Variants in LRRC53 observed in about 807,000 individuals in gnomAD.
LRRC53 encodes leucine-rich repeat-containing protein 53.
Under a neutral mutation model 13.6 loss-of-function variants are expected in LRRC53, and 25 were observed. The ratio of observed to expected loss-of-function variants is 1.83; its 90% confidence interval spans 1.34 to 2.56. LRRC53 has a LOEUF of 2.56. Among genes scored for constraint, LRRC53 ranks in the 30% most tolerant of loss-of-function variants. LRRC53 has a pLI of 0.00. For synonymous variants in LRRC53, 204 were observed against 109.8 expected (o/e 1.86, Z -5.37); for missense variants, 527 against 275.8 (o/e 1.91, Z -6.45).
At chr1:74,492,159 C>T (rs751728279) in intron 1 of LRRC53, 3 of 1,612,998 alleles carry the variant, frequency 1.9e-6, no homozygotes, top group South Asian at 2.2e-5. Flanking sequence ...CTTCTGATTG[C>T]CTGGTGAACC....
the LRRC53 span, among the ~76,000 whole-genome samples, chr1:74,534,706 A>G: frequency 0.036 from 5,372 of 149,974 alleles, 320 homozygotes; most frequent in African/African-American, 0.12. Context: ...TCTTGTAAGC[A>G]TTGCAACATG....
intron 1 of LRRC53, among the ~76,000 whole-genome samples, chr1:74,511,127 C>T (rs1670194507): frequency 6.6e-6 from 1 of 151,896 alleles, no homozygotes; most frequent in African/African-American, 2.4e-5. Context: ...GTGATCACCT[C>T]AGGTGATCCA....
intron 1 of LRRC53, among the ~76,000 whole-genome samples, chr1:74,493,102 G>A (rs928996759): frequency 2.6e-5 from 4 of 152,070 alleles, no homozygotes; most frequent in Non-Finnish European, 4.4e-5. Flanking sequence ...TCACATGGGA[G>A]GCTAGGGTTT....
chr1:74,496,668 T>A (rs1570701074), intron 1 of LRRC53, among the ~76,000 whole-genome samples: 2 of 152,274 alleles, frequency 1.3e-5, no homozygotes, highest in South Asian at 4.2e-4. Flanking sequence ...AGAGATTTTC[T>A]CCACAGATAA....
At chr1:74,522,630 A>G in the LRRC53 span, among the ~76,000 whole-genome samples, 1 of 150,954 alleles carries the variant, frequency 6.6e-6, no homozygotes, top group South Asian at 2.1e-4. Context: ...CTGGTCCCTA[A>G]GGTGTATGTG....
At chr1:74,535,441 GCC>G in the LRRC53 span, among the ~76,000 whole-genome samples, 2 of 152,162 alleles carry the variant, frequency 1.3e-5, no homozygotes, top group African/African-American at 4.8e-5. Flanking sequence ...CTGCAATCCA[GCC>G]TGGGTGACTG....
Position 74,480,742 on chromosome 1 carries a change from C to T in LRRC53, c.315G>A (p.Lys105=), listed in dbSNP as rs1453518396. The T allele has an allele frequency of 1.4e-6, 1 of 717,478 alleles. No individual in the cohort carries two copies. Among genetic ancestry groups the T allele is most frequent in the Non-Finnish European group, 2.6e-6 (1 of 385,094 alleles). 44.4% of individuals were successfully genotyped at this position (717,478 alleles called of 1,614,324 possible). The part of the protein sequence containing the change: ...SSSLTDHTFS[K]LHSLQVLVLS... ...GCACCAGTACCTGCAGGCTGTGAAG[C>T]TTGCTGAAGGTGTGATCAGTGAGCG... Residue 105 remains lysine (K), a synonymous_variant, in exon 3 of 5, where the codon AAG becomes AAA. Coordinates refer to ENST00000294635, the MANE Select transcript of LRRC53 (RefSeq NM_001382280.1).
intron 1 of LRRC53, among the ~76,000 whole-genome samples, chr1:74,509,006 G>T (rs918279287): frequency 6.6e-6 from 1 of 152,132 alleles, no homozygotes; most frequent in Non-Finnish European, 1.5e-5. Flanking sequence ...TCTACCCACG[G>T]ATGGATAAAC....
At chr1:74,529,218 G>A in the LRRC53 span, among the ~76,000 whole-genome samples, 1 of 152,234 alleles carries the variant, frequency 6.6e-6, no homozygotes, top group Admixed American at 6.5e-5. Flanking sequence ...AAGCCTATCA[G>A]ACATCACTCA....
intron 1 of LRRC53, among the ~76,000 whole-genome samples, chr1:74,509,121 A>G (rs958640146): frequency 3.9e-5 from 6 of 152,224 alleles, no homozygotes; most frequent in African/African-American, 1.4e-4. Flanking sequence ...TTGAGATAGT[A>G]GAGCACTCCT....
chr1:74,502,841 G>A (rs937232747), intron 1 of LRRC53, among the ~76,000 whole-genome samples: 3 of 152,098 alleles, frequency 2.0e-5, no homozygotes, highest in Admixed American at 2.0e-4. Context: ...CAGGCGTGCC[G>A]TGGACTCCCT....
Position 74,480,766 on chromosome 1 carries a change from C to T in LRRC53, c.291G>A (p.Ser97=), listed in dbSNP as rs1213264983. The T allele has an allele frequency of 1.4e-6, 1 of 717,440 alleles. No individual in the cohort carries two copies. The highest frequency in any genetic ancestry group is 2.6e-6 in the Non-Finnish European group (1 of 385,104). 44.4% of individuals were successfully genotyped at this position (717,440 alleles called of 1,614,324 possible). The change falls in exon 3 of 5, where the codon TCG becomes TCA. Residue 97 remains serine, a synonymous_variant. Transcript: ENST00000294635. ...GCTTGCTGAAGGTGTGATCAGTGAG[C>T]GAAGAGCTGGATATTTGGTTGTGCT... ...LLEHNQISSS[S]LTDHTFSKLH...
chr1:74,510,478 AG>A (rs1670131365), intron 1 of LRRC53, among the ~76,000 whole-genome samples: 1 of 152,194 alleles, frequency 6.6e-6, no homozygotes, highest in African/African-American at 2.4e-5. Context: ...ACTGCACTCT[AG>A]CCTGGGTGAC....
At chr1:74,535,943 ATTT>A in the LRRC53 span, among the ~76,000 whole-genome samples, 5 of 152,048 alleles carry the variant, frequency 3.3e-5, no homozygotes, top group Non-Finnish European at 7.4e-5. Flanking sequence ...TCCCCTTATT[ATTT>A]ATCTTCATCA....
intron 1 of LRRC53, among the ~76,000 whole-genome samples, chr1:74,511,458 T>A (rs1260323962): frequency 1.3e-5 from 2 of 152,166 alleles, no homozygotes; most frequent in Non-Finnish European, 2.9e-5. Context: ...TTTTCTTTAT[T>A]TAAAGAATTA....
chr1:74,514,786 G>A (rs180723161), upstream of LRRC53, among the ~76,000 whole-genome samples: 76 of 152,206 alleles, frequency 5.0e-4, no homozygotes, highest in African/African-American at 1.7e-3. Context: ...ATTGTGGGTT[G>A]AATTGTATCC....
rs1205226513 is a variant in LRRC53, at chr1:74,471,990, TACGA to T, written c.1628_1631del (p.Ile543AsnfsTer15). On this transcript the variant is annotated frameshift_variant, in exon 5 of 5. Coordinates refer to ENST00000294635, the MANE Select transcript of LRRC53 (RefSeq NM_001382280.1). LOFTEE classifies it low-confidence loss of function (END_TRUNC). ...CATCATATTTTGATCTATTTTTTTG[TACGA>T]TCTTTTGTACATAGTGTTCCTCAGG... is the stretch of plus-strand genomic sequence containing the variant. 5 of 638,092 alleles carry T rather than the reference TACGA, an allele frequency of 7.8e-6. No individual in the cohort carries two copies. Among genetic ancestry groups the T allele is most frequent in the Middle Eastern group, 2.5e-4 (1 of 3,988 alleles). 39.5% of individuals were successfully genotyped at this position (638,092 alleles called of 1,614,324 possible).
intron 1 of LRRC53, among the ~76,000 whole-genome samples, chr1:74,495,602 A>G (rs934546163): frequency 6.6e-6 from 1 of 152,166 alleles, no homozygotes; most frequent in Non-Finnish European, 1.5e-5. Context: ...ATAGTCATCT[A>G]ATTCAGCCTT....
upstream of LRRC53, among the ~76,000 whole-genome samples, chr1:74,515,460 C>CA (rs1332976505): frequency 1.3e-5 from 2 of 152,070 alleles, no homozygotes; most frequent in Admixed American, 6.6e-5. Flanking sequence ...TTTATCATGC[C>CA]AATACATATA....
Sources: gnomAD v4.1 joint callset for allele counts (sites outside exome capture counted in the v4.1 genomes callset) on GRCh38, gnomAD v4.1.1 for gene constraint, MANE v1.5 for transcripts, NCBI Gene and HGNC (gene_info 2026-07-23, HGNC 2026-07-21) for gene names.